CNBD1: variants seen among roughly 807,000 people sequenced by gnomAD.
CNBD1 encodes cyclic nucleotide-binding domain-containing protein 1.
CNBD1 carries 71 observed loss-of-function variants against 54.4 expected under a neutral mutation model. The ratio of observed to expected loss-of-function variants is 1.30; its 90% CI spans 1.08 to 1.59. The LOEUF is 1.59. Among genes scored for constraint, CNBD1 ranks in the 40% most tolerant of loss-of-function variants. The probability of loss-of-function intolerance (pLI) is 0.00; values close to 1 mark genes in which losing one functional copy is unlikely to be tolerated. For synonymous variants in CNBD1, 182 were observed against 170.7 expected (o/e 1.07, Z -0.51); for missense variants, 659 against 518.0 (o/e 1.27, Z -2.64).
chr8:87,057,230 G>T (rs539750723), intron 4 of CNBD1, among the ~76,000 whole-genome samples: 1 of 152,102 alleles, frequency 6.6e-6, no homozygotes, highest in South Asian at 2.1e-4. Flanking sequence ...TCCACAGGGC[G>T]GGGGAGGCCT....
chr8:87,134,048 C>T (rs958547981), intron 4 of CNBD1, among the ~76,000 whole-genome samples: 29 of 151,888 alleles, frequency 1.9e-4, no homozygotes, highest in Non-Finnish European at 3.7e-4. Flanking sequence ...TGTTTGAATT[C>T]GAAACATATA....
chr8:87,024,631 C>G (rs1449704237), intron 4 of CNBD1, among the ~76,000 whole-genome samples: 1 of 152,148 alleles, frequency 6.6e-6, no homozygotes, highest in Non-Finnish European at 1.5e-5. Context: ...CATGAGCCAC[C>G]ACACCCAGCC....
chr8:86,946,303 G>A (rs1443782530), intron 4 of CNBD1, among the ~76,000 whole-genome samples: 2 of 151,912 alleles, frequency 1.3e-5, no homozygotes, highest in Non-Finnish European at 2.9e-5. Context: ...TCATATATTT[G>A]CATTAGTTTA....
intron 9 of CNBD1, among the ~76,000 whole-genome samples, 163 bp downstream of exon 9, chr8:87,351,957 A>T (rs1359245472): frequency 6.6e-6 from 1 of 152,210 alleles, no homozygotes; most frequent in African/African-American, 2.4e-5. Context: ...GTTATAAGAT[A>T]TAAGAATATA....
intron 3 of CNBD1, among the ~76,000 whole-genome samples, chr8:86,928,156 G>A (rs978396190): frequency 1.3e-5 from 2 of 152,006 alleles, no homozygotes; most frequent in African/African-American, 4.8e-5. Context: ...TTCATTTAGG[G>A]TTTTAAGGTT....
intron 4 of CNBD1, among the ~76,000 whole-genome samples, chr8:87,189,493 C>T (rs1244466277): frequency 1.3e-5 from 2 of 152,092 alleles, no homozygotes; most frequent in African/African-American, 4.8e-5. Context: ...TATACCATGT[C>T]CTTTAATTCC....
chr8:87,370,819 T>C (rs1046276132), intron 10 of CNBD1, among the ~76,000 whole-genome samples: 3 of 150,292 alleles, frequency 2.0e-5, no homozygotes, highest in Non-Finnish European at 4.4e-5. Context: ...ATGTCCTGAA[T>C]GGTAATGCCT....
intron 8 of CNBD1, among the ~76,000 whole-genome samples, chr8:87,287,012 G>GA (rs948216175): frequency 7.2e-5 from 11 of 152,012 alleles, no homozygotes; most frequent in African/African-American, 1.4e-4. Context: ...AGGAGAAAAG[G>GA]AAAAAAACCA....
chr8:87,240,913 C>A (rs1305492781), intron 6 of CNBD1, among the ~76,000 whole-genome samples: 1 of 152,054 alleles, frequency 6.6e-6, no homozygotes, highest in Non-Finnish European at 1.5e-5. Context: ...TTCATCTCTC[C>A]AGGAGGTTCT....
chr8:87,329,542 T>A (rs960458267), intron 8 of CNBD1, among the ~76,000 whole-genome samples: 8 of 152,238 alleles, frequency 5.3e-5, no homozygotes, highest in African/African-American at 1.7e-4. Context: ...AAATATAATA[T>A]CTCTCCAGTT....
At chr8:87,294,032 G>A (rs571138875) in intron 8 of CNBD1, among the ~76,000 whole-genome samples, 8 of 152,218 alleles carry the variant, frequency 5.3e-5, no homozygotes, top group East Asian at 1.9e-4. Flanking sequence ...ATCATTAAAG[G>A]TTTTGAATAA....
rs374393904 is a variant in CNBD1, at chr8:86,908,326, T to G, written c.272+3132T>G. On this transcript the variant is annotated intron_variant, in intron 3 of 10. Transcript: ENST00000518476. ...ATAAGAAGGTAAAATTTTGGTATAT[T>G]CATATATGTAGGAAATCAAATAGAA... Among the ~76,000 whole-genome samples the G allele has an allele frequency of 1.2e-4, 19 of 152,346 alleles. No individual in the cohort carries two copies. The East Asian group carries it at 2.1e-3, about 17-fold the overall frequency.
chr8:86,950,103 C>T (rs1291650563), intron 4 of CNBD1, among the ~76,000 whole-genome samples: 1 of 138,314 alleles, frequency 7.2e-6, no homozygotes, highest in Non-Finnish European at 1.5e-5. Flanking sequence ...GCTCTGTCCC[C>T]CAGGCTGGAG....
chr8:87,387,538 T>C (rs997046407), downstream of CNBD1, among the ~76,000 whole-genome samples: 3 of 152,140 alleles, frequency 2.0e-5, no homozygotes, highest in Non-Finnish European at 2.9e-5. Context: ...AAGGGATCAA[T>C]TCAACAAGAA....
At chr8:86,961,899 A>G (rs575367180) in intron 4 of CNBD1, among the ~76,000 whole-genome samples, 2 of 152,380 alleles carry the variant, frequency 1.3e-5, no homozygotes, top group East Asian at 3.9e-4. Flanking sequence ...CACAGACTGA[A>G]GGAGATTCAG....
chr8:86,973,570 A>G (rs182839452), intron 4 of CNBD1, among the ~76,000 whole-genome samples: 41 of 152,294 alleles, frequency 2.7e-4, no homozygotes, highest in African/African-American at 8.9e-4. Flanking sequence ...AGCTCATACA[A>G]TTTATGTTAG....
intron 4 of CNBD1, among the ~76,000 whole-genome samples, chr8:87,071,344 G>T (rs774888581): frequency 6.6e-6 from 1 of 152,038 alleles, no homozygotes; most frequent in African/African-American, 2.4e-5. Context: ...TTTGCTCATT[G>T]CTGCAATTCA....
At chr8:87,076,203 T>C (rs1392910227) in intron 4 of CNBD1, among the ~76,000 whole-genome samples, 2 of 152,162 alleles carry the variant, frequency 1.3e-5, no homozygotes, top group East Asian at 3.9e-4. Flanking sequence ...AGGCAGGAAG[T>C]AGATTTTATT....
chr8:87,230,001 G>A (rs1004775211), intron 5 of CNBD1, among the ~76,000 whole-genome samples: 1 of 152,168 alleles, frequency 6.6e-6, no homozygotes, highest in Non-Finnish European at 1.5e-5. Flanking sequence ...ACCACAGTCT[G>A]TATAGGAGCC....
Sources: gnomAD v4.1 joint callset for allele counts (sites outside exome capture counted in the v4.1 genomes callset) on GRCh38, gnomAD v4.1.1 for gene constraint, MANE v1.5 for transcripts, NCBI Gene and HGNC (gene_info 2026-07-23, HGNC 2026-07-21) for gene names.